C1orf21: variants seen among roughly 807,000 people sequenced by gnomAD.
The protein encoded by C1orf21 is uncharacterized protein C1orf21.
C1orf21 carries 3 observed loss-of-function variants against 18.7 expected under a neutral mutation model. The observed-to-expected ratio is 0.16, with a 90% CI of 0.07 to 0.42. The LOEUF (loss-of-function observed/expected upper bound fraction) is 0.42. Among genes scored for constraint, C1orf21 ranks in the 10% least tolerant of loss-of-function variants. C1orf21 has a pLI of 0.99. For missense variants in C1orf21, 104 were observed against 143.6 expected, an observed-to-expected ratio of 0.72 and a Z score of 1.41; for synonymous variants, 41 against 46.4, an observed-to-expected ratio of 0.88 and a Z score of 0.47.
chr1:184,609,903 T>A (rs1053796318), intron 5 of C1orf21, among the ~76,000 whole-genome samples: 2 of 152,214 alleles, frequency 1.3e-5, no homozygotes, highest in Admixed American at 1.3e-4. Flanking sequence ...GGAGATGAAT[T>A]TTTCCATTTA....
chr1:184,605,559 G>A lies in C1orf21; in HGVS notation c.327+7098G>A, dbSNP rs114592947. ...AGACATCTCTACTTGGAGCAGCGTA[G>A]CAGGTATAGAGCAAGCACAGTGCCA... On this transcript the variant is annotated intron_variant, in intron 5 of 5. Coordinates refer to ENST00000235307, the MANE Select transcript of C1orf21 (RefSeq NM_030806.4). Among the ~76,000 whole-genome samples, 370 of 152,300 alleles carry A rather than the reference G, an allele frequency of 2.4e-3. 1 individual carries two copies. Among genetic ancestry groups the A allele is most frequent in the African/African-American group, 8.6e-3 (357 of 41,558 alleles).
intron 3 of C1orf21, among the ~76,000 whole-genome samples, chr1:184,586,464 T>C (rs908549045): frequency 1.3e-5 from 2 of 152,030 alleles, no homozygotes; most frequent in Admixed American, 6.5e-5. Flanking sequence ...TTTGTATTTT[T>C]AGTAGAGACG....
chr1:184,421,871 T>C (rs1656551521), intron 1 of C1orf21, among the ~76,000 whole-genome samples: 1 of 147,770 alleles, frequency 6.8e-6, no homozygotes, highest in Non-Finnish European at 1.5e-5. Context: ...GAACTTAAGC[T>C]CATGACCATT....
chr1:184,410,527 G>T (rs1656316123), intron 1 of C1orf21, among the ~76,000 whole-genome samples: 1 of 138,574 alleles, frequency 7.2e-6, no homozygotes, highest in Non-Finnish European at 1.5e-5. Flanking sequence ...TAAATAAGAG[G>T]TTATAGTCAC....
In C1orf21 at chr1:184,477,411, A is replaced by G; in HGVS notation, c.-99A>G. On this transcript the variant is annotated 5_prime_UTR_variant, in exon 2 of 6. Transcript: ENST00000235307. ...GTGCACACATCTTGACCAACTCAGC[A>G]GCAAGGTGGATTTTCTTTGTGTTTA... is the stretch of plus-strand genomic sequence containing the variant. The G allele has an allele frequency of 1.1e-6, 1 of 940,234 alleles. No individual in the cohort carries two copies. The highest frequency in any genetic ancestry group is 1.6e-6 in the Non-Finnish European group (1 of 616,480). The allele number at this position is 940,234 out of a possible 1,614,324, so 58.2% of individuals were successfully genotyped here. A position where few individuals can be genotyped will look rare whatever the true frequency, so the allele number is the denominator to read the frequency against.
At chr1:184,397,028 A>G (rs1656061261) in intron 1 of C1orf21, among the ~76,000 whole-genome samples, 2 of 152,178 alleles carry the variant, frequency 1.3e-5, no homozygotes, top group South Asian at 2.1e-4. Context: ...GCACAGGGAA[A>G]GTATGTAGAA....
chr1:184,497,617 A>G (rs988291339), intron 2 of C1orf21, among the ~76,000 whole-genome samples: 2 of 152,214 alleles, frequency 1.3e-5, no homozygotes, highest in Admixed American at 6.5e-5. Context: ...ATCACAGAAG[A>G]TATTTCAGAT....
In C1orf21 at chr1:184,477,592, A is replaced by C; in HGVS notation, c.83A>C (p.Asp28Ala). Reference sequence around the variant, plus strand: ...AAAGGGAAAAACTACCAGAACGGAGATGTGTTTGGCGGTGAGTCCTATCAA... The same window carrying C: ...AAAGGGAAAAACTACCAGAACGGAGCTGTGTTTGGCGGTGAGTCCTATCAA... ...AQKGKNYQNG[D>A]VFGDEYRIKP... Residue 28 changes from aspartate (D) to alanine (A), a missense_variant, in exon 2 of 6, where the codon GAT becomes GCT. Coordinates refer to ENST00000235307, the MANE Select transcript of C1orf21 (RefSeq NM_030806.4). The C allele has an allele frequency of 6.2e-7, 1 of 1,613,926 alleles. No homozygotes were observed. Among genetic ancestry groups the C allele is most frequent in the South Asian group, 1.1e-5 (1 of 91,064 alleles).
chr1:184,588,480 T>C (rs1659389928), intron 3 of C1orf21, among the ~76,000 whole-genome samples: 5 of 152,148 alleles, frequency 3.3e-5, no homozygotes, highest in Admixed American at 3.3e-4. Flanking sequence ...GTGAACAGCA[T>C]GGAGTTTGGG....
At chr1:184,476,290 G>A (rs900325606) in intron 1 of C1orf21, among the ~76,000 whole-genome samples, 1 of 152,112 alleles carries the variant, frequency 6.6e-6, no homozygotes, top group Non-Finnish European at 1.5e-5. Context: ...GGGGCAGTGG[G>A]ACGTGGGTGC....
chr1:184,562,685 G>A (rs1658984104), intron 3 of C1orf21, among the ~76,000 whole-genome samples: 1 of 152,206 alleles, frequency 6.6e-6, no homozygotes, highest in African/African-American at 2.4e-5. Context: ...CTTTTAAGAA[G>A]CAAGTATTAA....
chr1:184,557,155 A>G (rs760286866), intron 3 of C1orf21, among the ~76,000 whole-genome samples: 9 of 152,212 alleles, frequency 5.9e-5, no homozygotes, highest in Non-Finnish European at 1.0e-4. Context: ...CCTGACGCTC[A>G]TTAATGTCAA....
chr1:184,522,157 A>G (rs1212414257), intron 3 of C1orf21, among the ~76,000 whole-genome samples: 1 of 152,210 alleles, frequency 6.6e-6, no homozygotes, highest in African/African-American at 2.4e-5. Context: ...ATTGATGCTT[A>G]GCTTAATATA....
chr1:184,415,688 A>G (rs1161202103), intron 1 of C1orf21, among the ~76,000 whole-genome samples: 2 of 152,146 alleles, frequency 1.3e-5, no homozygotes, highest in East Asian at 3.9e-4. Flanking sequence ...CACCTCCTAT[A>G]TTTTTAGGTA....
intron 1 of C1orf21, among the ~76,000 whole-genome samples, chr1:184,463,098 A>G (rs1657333181): frequency 6.6e-6 from 1 of 151,542 alleles, no homozygotes; most frequent in Non-Finnish European, 1.5e-5. Context: ...AAAAAAAAAA[A>G]AAAAGAAGAA....
intron 1 of C1orf21, among the ~76,000 whole-genome samples, chr1:184,460,109 G>A (rs1012953894): frequency 6.6e-6 from 1 of 152,092 alleles, no homozygotes; most frequent in Non-Finnish European, 1.5e-5. Flanking sequence ...ACACTTCCTT[G>A]GTGGCAAATT....
chr1:184,537,643 A>G (rs1345741916), intron 3 of C1orf21, among the ~76,000 whole-genome samples: 1 of 151,776 alleles, frequency 6.6e-6, no homozygotes, highest in Non-Finnish European at 1.5e-5. Context: ...CCTAATTTCA[A>G]TTCTTTTTAT....
Position 184,493,778 on chromosome 1 carries a change from G to A in C1orf21, c.95-13810G>A, listed in dbSNP as rs984185370. 3.3e-5 allele frequency among the ~76,000 whole-genome samples: 5 copies of A among 152,140 alleles called. No homozygotes were observed. The East Asian group carries it at 9.6e-4, about 29-fold the overall frequency. On this transcript the variant is annotated intron_variant, in intron 2 of 5. Transcript: ENST00000235307. ...AAGAGATGTCTTTTTATCTGAAAGT[G>A]TTTATAAGATCTTGAGTTTGGAGTG...
intron 1 of C1orf21, among the ~76,000 whole-genome samples, chr1:184,462,490 G>C (rs972955840): frequency 2.0e-5 from 3 of 152,100 alleles, no homozygotes; most frequent in African/African-American, 7.2e-5. Flanking sequence ...ATATCTTGGA[G>C]GTATATAGGT....
Sources: allele counts gnomAD v4.1 joint callset (sites outside exome capture counted in the v4.1 genomes callset), GRCh38; gene constraint gnomAD v4.1.1; transcripts MANE v1.5; gene names NCBI Gene and HGNC (gene_info 2026-07-23, HGNC 2026-07-21).